Variants in ANKRD6 observed in about 807,000 individuals in gnomAD.
ANKRD6 encodes ankyrin repeat domain 6, also known as ankyrin repeat domain-containing protein 6.
In ANKRD6, 56 loss-of-function variants were observed where a neutral mutation model predicts 82.3. That is an observed-to-expected ratio of 0.68 (90% CI 0.55 to 0.85). ANKRD6 has a LOEUF of 0.85. Among genes scored for constraint, ANKRD6 ranks in the 40% least tolerant of loss-of-function variants. The pLI, the probability that ANKRD6 is intolerant of heterozygous loss-of-function variation, is 0.00. For missense variants in ANKRD6, 852 were observed against 907.6 expected (o/e 0.94, Z 0.79); for synonymous variants, 347 against 352.1 (o/e 0.99, Z 0.16).
intron 1 of ANKRD6, among the ~76,000 whole-genome samples, chr6:89,566,173 G>T (rs973939572): frequency 6.6e-6 from 1 of 152,252 alleles, no homozygotes. Context: ...CAGAGCCACT[G>T]TTAGTGTTTA....
Position 89,567,076 on chromosome 6 carries a change from G to T in ANKRD6, c.100G>T (p.Ala34Ser). The T allele has an allele frequency of 3.1e-6, 5 of 1,602,050 alleles. No individual in the cohort carries two copies. The highest frequency in any genetic ancestry group is 4.3e-6 in the Non-Finnish European group (5 of 1,174,016). Residue 34 changes from alanine to serine, a missense_variant, in exon 2 of 16, where the codon GCC becomes TCC. Coordinates refer to ENST00000339746, the MANE Select transcript of ANKRD6 (RefSeq NM_001242809.2). ...ENVVQLINKG[A>S]RVAVTKHGRT... ...TGTGGTTCAGCTCATCAACAAGGGC[G>T]CCAGGGTAGCGGTTACCAAGGTAAC... is the stretch of plus-strand genomic sequence containing the variant.
intron 2 of ANKRD6, among the ~76,000 whole-genome samples, chr6:89,590,557 TA>T (rs1372439039): frequency 6.6e-6 from 1 of 152,206 alleles, no homozygotes; most frequent in African/African-American, 2.4e-5. Flanking sequence ...AAAATCAGGT[TA>T]TTTTTAAACA....
Position 89,612,253 on chromosome 6 carries a change from C to G in ANKRD6, c.418-19C>G. 1.9e-6 allele frequency: 3 copies of G among 1,549,660 alleles called. No individual in the cohort carries two copies. The highest frequency in any genetic ancestry group is 2.6e-6 in the Non-Finnish European group (3 of 1,144,800). ...AGCATGTTGCTAATATGTCCTCCCT[C>G]TCTCTGCCTCTCTCCAAGGCGGGGA... On this transcript the variant is annotated intron_variant, in intron 5 of 15. Transcript: ENST00000339746.
chr6:89,503,930 A>C (rs986727598), intron 1 of ANKRD6, among the ~76,000 whole-genome samples: 3 of 152,060 alleles, frequency 2.0e-5, no homozygotes, highest in Admixed American at 6.5e-5. Context: ...CCAAGGGAGC[A>C]GGAGGTGATG....
At chr6:89,476,151 A>C (rs1011114748) in intron 1 of ANKRD6, among the ~76,000 whole-genome samples, 20 of 152,004 alleles carry the variant, frequency 1.3e-4, no homozygotes, top group African/African-American at 4.8e-4. Flanking sequence ...TATAATTAAT[A>C]TGTGTATGTT....
intron 10 of ANKRD6, among the ~76,000 whole-genome samples, chr6:89,622,866 T>C (rs1329430086): frequency 6.6e-6 from 1 of 152,016 alleles, no homozygotes; most frequent in African/African-American, 2.4e-5. Flanking sequence ...ATTTCCAGGG[T>C]TAAGGCATTA....
intron 1 of ANKRD6, among the ~76,000 whole-genome samples, chr6:89,454,349 C>T (rs147270055): frequency 1.1e-4 from 16 of 152,316 alleles, no homozygotes; most frequent in African/African-American, 3.8e-4. Flanking sequence ...GCTACACTTT[C>T]ATCTTTGTTG....
At position 89,617,958 on chromosome 6, in the gene ANKRD6, G is replaced by A. The variant is rs1563096293; in HGVS notation, c.719G>A (p.Gly240Asp). ...GADTTIVNNA[G>D]QTPLETARYH... ...TCCTACTCTGCCTCTCCTCAGGCAG[G>A]CCAGACTCCGCTGGAGACTGCCCGC... Residue 240 changes from glycine to aspartate, a missense_variant, in exon 9 of 16, where the codon GGC becomes GAC. By Grantham distance (94) the Gly-to-Asp change is moderately conservative. Coordinates refer to ENST00000339746, the MANE Select transcript of ANKRD6 (RefSeq NM_001242809.2). 2 of 1,613,962 alleles carry A rather than the reference G, an allele frequency of 1.2e-6. No individual in the cohort carries two copies. The highest frequency in any genetic ancestry group is 8.5e-7 in the Non-Finnish European group (1 of 1,179,876).
Position 89,629,093 on chromosome 6 carries a change from G to T in ANKRD6, c.1486-19G>T, listed in dbSNP as rs769984696. 1 of 1,590,222 alleles carries T rather than the reference G, an allele frequency of 6.3e-7. No individual in the cohort carries two copies. Among genetic ancestry groups the T allele is most frequent in the South Asian group, 1.1e-5 (1 of 89,086 alleles). On this transcript the variant is annotated intron_variant, in intron 14 of 15. Coordinates refer to ENST00000339746, the MANE Select transcript of ANKRD6 (RefSeq NM_001242809.2). ...ATTCTTCTATGTACTTATTTGTGGGGTTTGTTTTTTTTTTTAAGATATCCT... is the reference window on the plus strand; with the variant it reads ...ATTCTTCTATGTACTTATTTGTGGGTTTTGTTTTTTTTTTTAAGATATCCT...
chr6:89,547,326 A>G (rs1253257763), intron 1 of ANKRD6, among the ~76,000 whole-genome samples: 5 of 152,200 alleles, frequency 3.3e-5, no homozygotes, highest in Admixed American at 6.5e-5. Context: ...GCTACCTCCA[A>G]TAAGAGCCAG....
At chr6:89,585,672 G>T (rs1179000569) in intron 2 of ANKRD6, among the ~76,000 whole-genome samples, 3 of 152,244 alleles carry the variant, frequency 2.0e-5, no homozygotes, top group Non-Finnish European at 1.5e-5. Context: ...ACTTTGGGAG[G>T]CCAAGGCGGG....
chr6:89,632,204 T>C lies in ANKRD6; in HGVS notation c.*1200T>C, dbSNP rs1807534406. 1 of 152,188 alleles carries C rather than the reference T, an allele frequency of 6.6e-6. No homozygotes were observed. Among genetic ancestry groups the C allele is most frequent in the Non-Finnish European group, 1.5e-5 (1 of 68,022 alleles). The allele number at this position is 152,188 out of a possible 1,614,324, so 9.4% of individuals were successfully genotyped here. A position where few individuals can be genotyped will look rare whatever the true frequency, so the allele number is the denominator to read the frequency against. The stretch of plus-strand genomic sequence containing the variant: ...GGAACCTAGTGACTATTGAACGTAA[T>C]TGTAATAAAATGCTGCTCATTGAGC... On this transcript the variant is annotated 3_prime_UTR_variant, in exon 16 of 16. Transcript: ENST00000339746.
At chr6:89,451,198 G>T (rs1023511673) in intron 1 of ANKRD6, among the ~76,000 whole-genome samples, 1 of 152,110 alleles carries the variant, frequency 6.6e-6, no homozygotes, top group Non-Finnish European at 1.5e-5. Flanking sequence ...GGTCTCAGCT[G>T]CTCGGAAGGC....
At chr6:89,456,860 C>T (rs1773566953) in intron 1 of ANKRD6, among the ~76,000 whole-genome samples, 1 of 152,134 alleles carries the variant, frequency 6.6e-6, no homozygotes, top group Admixed American at 6.6e-5. Context: ...ACAAATTACC[C>T]TAAAACTTGG....
At chr6:89,479,620 T>A (rs981417216) in intron 1 of ANKRD6, among the ~76,000 whole-genome samples, 73 of 149,664 alleles carry the variant, frequency 4.9e-4, no homozygotes, top group African/African-American at 1.7e-3. Flanking sequence ...TTTATTTATT[T>A]ATTTATTTAT....
At chr6:89,571,723 C>A (rs1246338838) in intron 2 of ANKRD6, among the ~76,000 whole-genome samples, 2 of 152,196 alleles carry the variant, frequency 1.3e-5, no homozygotes, top group African/African-American at 4.8e-5. Context: ...TCAACATCCG[C>A]CACCAGAGTG....
At chr6:89,616,500 A>C in intron 7 of ANKRD6, 59 bp from the exon 8 acceptor site, 1 of 1,541,864 alleles carries the variant, frequency 6.5e-7, no homozygotes, top group Admixed American at 1.7e-5. Context: ...GGTAATGAAA[A>C]GCTGGGGGCT....
At chr6:89,550,423 T>A (rs1785674653) in intron 1 of ANKRD6, among the ~76,000 whole-genome samples, 1 of 152,136 alleles carries the variant, frequency 6.6e-6, no homozygotes, top group Non-Finnish European at 1.5e-5. Flanking sequence ...AGAAGCCAGA[T>A]GGGAAAGAAT....
At chr6:89,491,642 G>A (rs764579362) in intron 1 of ANKRD6, among the ~76,000 whole-genome samples, 1 of 151,584 alleles carries the variant, frequency 6.6e-6, no homozygotes, top group Non-Finnish European at 1.5e-5. Flanking sequence ...CTGTCATGGG[G>A]TGGGGGGAGG....
Sources: gnomAD v4.1 joint callset for allele counts (sites outside exome capture counted in the v4.1 genomes callset) on GRCh38, gnomAD v4.1.1 for gene constraint, MANE v1.5 for transcripts, NCBI Gene and HGNC (gene_info 2026-07-23, HGNC 2026-07-21) for gene names.